Variants in NEDD4L observed in about 807,000 individuals in gnomAD.
NEDD4L encodes NEDD4 like E3 ubiquitin protein ligase, also known as E3 ubiquitin-protein ligase NEDD4-like.
NEDD4L carries 54 observed loss-of-function variants against 148.9 expected under a neutral mutation model. That is an observed-to-expected ratio of 0.36 (90% CI 0.29 to 0.45). NEDD4L has a LOEUF of 0.45. NEDD4L is among the 20% of genes least tolerant of loss of function. The probability of loss-of-function intolerance (pLI) is 1.00; values close to 1 mark genes in which losing one functional copy is unlikely to be tolerated. For synonymous variants in NEDD4L, 433 were observed against 440.7 expected (o/e 0.98, Z 0.22); for missense variants, 856 against 1,233.8 (o/e 0.69, Z 4.59).
Position 58,357,177 on chromosome 18 carries a change from T to C in NEDD4L, c.1709-17T>C. On this transcript the variant is annotated splice_polypyrimidine_tract_variant and intron_variant, in intron 18 of 30. Coordinates refer to ENST00000400345, the MANE Select transcript of NEDD4L (RefSeq NM_001144967.3). ...ACTAATGTTCTGATTTTTTTTTTTT[T>C]TTTTTAACATTTTCAGATAGCAAAA... is the stretch of plus-strand genomic sequence containing the variant. The C allele has an allele frequency of 6.3e-7, 1 of 1,588,660 alleles. No individual in the cohort carries two copies.
intron 1 of NEDD4L, among the ~76,000 whole-genome samples, chr18:58,122,080 C>G (rs557104000): frequency 6.6e-6 from 1 of 152,196 alleles, no homozygotes; most frequent in South Asian, 2.1e-4. Flanking sequence ...TGGGCTGTGT[C>G]GCCCTCTAGT....
intron 2 of NEDD4L, among the ~76,000 whole-genome samples, chr18:58,177,478 C>T (rs1231467473): frequency 6.6e-6 from 1 of 152,118 alleles, no homozygotes; most frequent in Non-Finnish European, 1.5e-5. Context: ...TGGAGCGTGG[C>T]TGCCGGCGTC....
At chr18:58,381,386 G>A (rs1021729606) in intron 24 of NEDD4L, among the ~76,000 whole-genome samples, 3 of 152,092 alleles carry the variant, frequency 2.0e-5, no homozygotes, top group East Asian at 1.9e-4. Flanking sequence ...TGGCCGACCC[G>A]CTCATTCAGT....
At chr18:58,311,071 G>A (rs2057642608) in intron 5 of NEDD4L, among the ~76,000 whole-genome samples, 5 of 151,700 alleles carry the variant, frequency 3.3e-5, no homozygotes, top group Admixed American at 2.6e-4. Context: ...CCAGACAGTT[G>A]GTAATAGTGG....
At chr18:58,357,076 G>C in intron 18 of NEDD4L, 118 bp from the exon 19 acceptor site, 1 of 857,400 alleles carries the variant, frequency 1.2e-6, no homozygotes, top group South Asian at 1.6e-5. Flanking sequence ...TAGAACACAG[G>C]GTGGGGGACT....
intron 1 of NEDD4L, among the ~76,000 whole-genome samples, chr18:58,067,530 G>A (rs1035328612): frequency 1.3e-5 from 2 of 152,164 alleles, no homozygotes; most frequent in South Asian, 2.1e-4. Context: ...GGTGTGGGGG[G>A]CCTGCGAGGA....
At chr18:58,100,111 G>A (rs2084662849) in intron 1 of NEDD4L, among the ~76,000 whole-genome samples, 1 of 152,106 alleles carries the variant, frequency 6.6e-6, no homozygotes, top group Non-Finnish European at 1.5e-5. Flanking sequence ...GCATCCTCGG[G>A]CTCGGTAAAG....
chr18:58,347,214 GCC>G (rs1293604264), intron 16 of NEDD4L, among the ~76,000 whole-genome samples: 15 of 34,034 alleles, frequency 4.4e-4, no homozygotes, highest in Middle Eastern at 0.036. Context: ...GGCCCCCCCC[GCC>G]CCCCCCCCCC....
rs11433892 is a variant in NEDD4L at position 58,396,713 on chromosome 18, AT to A, written c.*458del. On this transcript the variant is annotated 3_prime_UTR_variant, in exon 31 of 31. Coordinates refer to ENST00000400345, the MANE Select transcript of NEDD4L (RefSeq NM_001144967.3). ...GTCTCATGTACTTGGAAAAGTGAGC[AT>A]TTTTTTTTTTTTTGTATTTCACTTT... The A allele has an allele frequency of 9.8e-3, 1,401 of 143,666 alleles. 16 individuals carry two copies. The highest frequency in any genetic ancestry group is 0.033 in the African/African-American group (1,292 of 39,056). The allele number at this position is 143,666 out of a possible 1,614,324, so 8.9% of individuals were successfully genotyped here. A position where few individuals can be genotyped will look rare whatever the true frequency, so the allele number is the denominator to read the frequency against.
At chr18:58,146,815 A>G (rs1227091762) in intron 1 of NEDD4L, among the ~76,000 whole-genome samples, 1 of 152,182 alleles carries the variant, frequency 6.6e-6, no homozygotes, top group African/African-American at 2.4e-5. Flanking sequence ...GTTTGATTTA[A>G]TGCTCTTTTC....
intron 22 of NEDD4L, among the ~76,000 whole-genome samples, chr18:58,369,905 AATG>A (rs2046625932): frequency 6.6e-6 from 1 of 152,190 alleles, no homozygotes; most frequent in Non-Finnish European, 1.5e-5. Flanking sequence ...CTGCCCAAGC[AATG>A]ATAACAGAAG....
At chr18:58,331,920 G>C (rs1391815018) in intron 11 of NEDD4L, among the ~76,000 whole-genome samples, 2 of 152,204 alleles carry the variant, frequency 1.3e-5, no homozygotes, top group Non-Finnish European at 2.9e-5. Flanking sequence ...CAGTTAATGT[G>C]ATTTCACTTT....
intron 24 of NEDD4L, among the ~76,000 whole-genome samples, chr18:58,380,842 C>T (rs2048248948): frequency 1.3e-5 from 2 of 152,100 alleles, no homozygotes; most frequent in African/African-American, 2.4e-5. Context: ...AGCAAACTAA[C>T]ACAGAAACAG....
At chr18:58,237,631 T>C (rs750997191) in intron 2 of NEDD4L, among the ~76,000 whole-genome samples, 29 of 152,376 alleles carry the variant, frequency 1.9e-4, no homozygotes, top group Non-Finnish European at 3.5e-4. Context: ...CTTAAATATT[T>C]AAACATTTTT....
rs181111287 is a variant in NEDD4L, at chr18:58,057,936, C to T, written c.48+13228C>T. ...TGGTGTATCAAGAATGAGCAACTTC[C>T]CCACACTGGGATTGTGGGACTCTGA... is the stretch of plus-strand genomic sequence containing the variant. On this transcript the variant is annotated intron_variant, in intron 1 of 30. Coordinates refer to ENST00000400345, the MANE Select transcript of NEDD4L (RefSeq NM_001144967.3). Among the ~76,000 whole-genome samples the T allele has an allele frequency of 2.6e-4, 39 of 152,336 alleles. No individual in the cohort carries two copies. In the East Asian group the frequency reaches 7.1e-3, roughly 28 times the overall value.
intron 2 of NEDD4L, chr18:58,195,553 C>T (rs754456725): frequency 4.5e-6 from 6 of 1,339,178 alleles, no homozygotes; most frequent in Admixed American, 3.9e-5. Context: ...CCTGTCCACG[C>T]GGTGCCTCCC....
chr18:58,231,518 T>C (rs1015717394), intron 2 of NEDD4L, among the ~76,000 whole-genome samples: 1 of 152,004 alleles, frequency 6.6e-6, no homozygotes, highest in East Asian at 1.9e-4. Context: ...AGATACTAGA[T>C]TGACCTGTTT....
chr18:58,149,256 G>A, intron 1 of NEDD4L: 1 of 485,226 alleles, frequency 2.1e-6, no homozygotes, highest in Non-Finnish European at 3.2e-6. Context: ...GGCAGTCCTG[G>A]GAGAGGCTGG....
chr18:58,320,066 G>A (rs909535554), intron 6 of NEDD4L, among the ~76,000 whole-genome samples: 4 of 152,138 alleles, frequency 2.6e-5, no homozygotes, highest in African/African-American at 9.7e-5. Context: ...CTTTTGACCT[G>A]TGTGATATCA....
Sources: gnomAD v4.1 joint callset for allele counts (sites outside exome capture counted in the v4.1 genomes callset) on GRCh38, gnomAD v4.1.1 for gene constraint, MANE v1.5 for transcripts, NCBI Gene and HGNC (gene_info 2026-07-23, HGNC 2026-07-21) for gene names.